PLEKHG6: variants seen among roughly 807,000 people sequenced by gnomAD.
PLEKHG6 encodes pleckstrin homology domain-containing family G member 6.
Under a neutral mutation model 97.5 loss-of-function variants are expected in PLEKHG6, and 91 were observed. The ratio of observed to expected loss-of-function variants is 0.93; its 90% CI spans 0.79 to 1.11. The LOEUF (loss-of-function observed/expected upper bound fraction) is 1.11, where lower values mean the gene tolerates loss of function less well. PLEKHG6 is among the 50% of genes most tolerant of loss of function. The pLI, the probability that PLEKHG6 is intolerant of heterozygous loss-of-function variation, is 0.00. For synonymous variants in PLEKHG6, 466 were observed against 425.5 expected (o/e 1.10, Z -1.17); for missense variants, 1,044 against 1,031.0 (o/e 1.01, Z -0.17).
At chr12:6,324,084 A>T (rs1555105476) in intron 13 of PLEKHG6, among the ~76,000 whole-genome samples, 1 of 152,012 alleles carries the variant, frequency 6.6e-6, no homozygotes, top group Non-Finnish European at 1.5e-5. Flanking sequence ...TCAGTTTTGT[A>T]GGGGGGTCAC....
Position 6,323,890 on chromosome 12 carries a change from G to A in PLEKHG6, c.1525-2538G>A, listed in dbSNP as rs568094204. Among the ~76,000 whole-genome samples, 2 of 152,308 alleles carry A rather than the reference G, an allele frequency of 1.3e-5. 1 individual carries two copies. The highest frequency in any genetic ancestry group is 4.1e-4 in the South Asian group (2 of 4,822). On this transcript the variant is annotated intron_variant, in intron 13 of 15. Transcript: ENST00000684764. ...TGCTGCTGACTGGGGAAACGCATCC[G>A]CATCTGTTGCTCAGGAAGTCAGTGG...
At chr12:6,322,073 G>A (rs1947724888) in intron 13 of PLEKHG6, among the ~76,000 whole-genome samples, 1 of 152,188 alleles carries the variant, frequency 6.6e-6, no homozygotes, top group South Asian at 2.1e-4. Flanking sequence ...CACACAGCCT[G>A]GGGCCAGCAC....
At chr12:6,318,474 G>A in intron 11 of PLEKHG6, 54 bp downstream of exon 11, 1 of 1,549,464 alleles carries the variant, frequency 6.5e-7, no homozygotes, top group Non-Finnish European at 8.7e-7. Context: ...GAGAAGGTAA[G>A]AGGCAGAAAC....
intron 13 of PLEKHG6, chr12:6,319,310 T>C (rs1323963039): frequency 3.3e-6 from 2 of 609,750 alleles, no homozygotes; most frequent in Admixed American, 5.9e-5. Context: ...TAGCCGGGCG[T>C]GGTGGTGTGT....
intron 1 of PLEKHG6, 66 bp downstream of exon 1, chr12:6,310,914 G>A (rs1229472256): frequency 6.5e-6 from 1 of 153,148 alleles, no homozygotes; most frequent in African/African-American, 2.4e-5. Flanking sequence ...TGGAAGCCGG[G>A]GCGAAGGGGA....
At chr12:6,317,748 G>T (rs776130614) in intron 9 of PLEKHG6, 52 bp downstream of exon 9, 21 of 1,599,438 alleles carry the variant, frequency 1.3e-5, no homozygotes, top group Non-Finnish European at 3.4e-6. Context: ...CTGGGAGGGG[G>T]GTCTCTTTCT....
At chr12:6,311,591 T>C (rs983271479) in intron 1 of PLEKHG6, among the ~76,000 whole-genome samples, 6 of 152,226 alleles carry the variant, frequency 3.9e-5, no homozygotes, top group Non-Finnish European at 8.8e-5. Context: ...TTGAATATCA[T>C]GTAATATTTA....
chr12:6,318,528 C>T, intron 11 of PLEKHG6, 108 bp downstream of exon 11: 1 of 1,367,758 alleles, frequency 7.3e-7, no homozygotes, highest in Non-Finnish European at 9.9e-7. Context: ...GGATGTGGTT[C>T]TGGCTAAGCC....
chr12:6,326,551 T>G lies in PLEKHG6; in HGVS notation c.1648T>G (p.Ser550Ala). The change falls in exon 14 of 16, where the codon TCT becomes GCT. Residue 550 changes from serine to alanine, a missense_variant. Ser to Ala is a moderately conservative substitution (Grantham distance 99, BLOSUM62 1). Transcript: ENST00000684764. ...TRPSTPSLEGSQSSAEGRTPE... is the reference protein window; with the variant it reads ...TRPSTPSLEGAQSSAEGRTPE... ...GCCCTCCACGCCTTCCCTGGAGGGCTCTCAGAGCAGCGCAGAGGGGAGGTA... is the reference window on the plus strand; with the variant it reads ...GCCCTCCACGCCTTCCCTGGAGGGCGCTCAGAGCAGCGCAGAGGGGAGGTA... The G allele has an allele frequency of 6.4e-7, 1 of 1,567,312 alleles. No individual in the cohort carries two copies. Among genetic ancestry groups the G allele is most frequent in the Non-Finnish European group, 8.6e-7 (1 of 1,161,544 alleles).
intron 9 of PLEKHG6, 58 bp downstream of exon 9, chr12:6,317,754 T>C (rs1947530904): frequency 3.8e-6 from 6 of 1,593,460 alleles, no homozygotes; most frequent in Non-Finnish European, 5.1e-6. Flanking sequence ...GGGGGGTCTC[T>C]TTCTTAGTGT....
rs748959468 is a variant in PLEKHG6 at position 6,318,295 on chromosome 12, C to T, written c.1156-6C>T. ...CGCCCTGACCCCTCCCCTCTGTGTCCCTCAGAACCTGCGCCCATTCTCCAC... is the reference window on the plus strand; with the variant it reads ...CGCCCTGACCCCTCCCCTCTGTGTCTCTCAGAACCTGCGCCCATTCTCCAC... On this transcript the variant is annotated splice_region_variant and splice_polypyrimidine_tract_variant and intron_variant, in intron 10 of 15. Transcript: ENST00000684764. 2.5e-6 allele frequency: 4 copies of T among 1,613,966 alleles called. No individual in the cohort carries two copies. Among genetic ancestry groups the T allele is most frequent in the Non-Finnish European group, 3.4e-6 (4 of 1,179,984 alleles).
In PLEKHG6 at chr12:6,317,325, A is replaced by G; in HGVS notation, c.779A>G (p.Tyr260Cys). Residue 260 changes from tyrosine (Y) to cysteine (C), a missense_variant, in exon 8 of 16, where the codon TAT becomes TGT. Coordinates refer to ENST00000684764, the MANE Select transcript of PLEKHG6 (RefSeq NM_001384598.1). ...CAGTTTGGCCAGCGGTTCCACCCCT[A>G]TGTCCAGTACTGCCTCCGAGTGAAG... ...FLTFGQRFHP[Y>C]VQYCLRVKQT... is the part of the protein sequence containing the mutation. The G allele has an allele frequency of 5.0e-6, 8 of 1,613,886 alleles. No individual in the cohort carries two copies. The highest frequency in any genetic ancestry group is 6.8e-6 in the Non-Finnish European group (8 of 1,179,858).
rs1435549866 is a variant in PLEKHG6 at position 6,315,935 on chromosome 12, G to A, written c.606+16G>A. On this transcript the variant is annotated intron_variant, in intron 6 of 15. Transcript: ENST00000684764. The surrounding 1 kb of genome is among the most constrained non-coding windows in gnomAD (Gnocchi z 4.5). ...GCTGATGGAAGTGAGTGGGTGCTCA[G>A]GAGGGGACCCTGGCACAGCCCGACC... 2.5e-6 allele frequency: 4 copies of A among 1,573,582 alleles called. No individual in the cohort carries two copies. The highest frequency in any genetic ancestry group is 3.5e-6 in the Non-Finnish European group (4 of 1,158,470).
chr12:6,313,189 G>C (rs929283200), intron 2 of PLEKHG6: 2 of 1,549,796 alleles, frequency 1.3e-6, no homozygotes, highest in African/African-American at 1.4e-5. Context: ...CTGCACATGT[G>C]AGTGCCCTCG....
rs1444341570 is a variant in PLEKHG6 at position 6,318,777 on chromosome 12, G to T, written c.1308G>T (p.Val436=). The change falls in exon 12 of 16, where the codon GTG becomes GTT. Residue 436 remains valine, a synonymous_variant. Transcript: ENST00000684764. ...LDVYLFLFSD[V]LLVTKPQRKA... is the part of the protein sequence containing the mutation. ...TGTACCTGTTCCTCTTCTCTGATGT[G>T]CTCCTTGTGACCAAGCCCCAGCGCA... The T allele has an allele frequency of 6.2e-7, 1 of 1,613,828 alleles. No individual in the cohort carries two copies. Among genetic ancestry groups the T allele is most frequent in the South Asian group, 1.1e-5 (1 of 91,074 alleles).
intron 9 of PLEKHG6, 40 bp downstream of exon 9, chr12:6,317,736 G>T: frequency 6.2e-7 from 1 of 1,606,570 alleles, no homozygotes; most frequent in Non-Finnish European, 8.5e-7. Context: ...GTGAATCGGG[G>T]ACTGGGAGGG....
Position 6,312,160 on chromosome 12 carries a change from C to T in PLEKHG6, c.-67C>T. 2 of 1,354,364 alleles carry T rather than the reference C, an allele frequency of 1.5e-6. No individual in the cohort carries two copies. Among genetic ancestry groups the T allele is most frequent in the Non-Finnish European group, 9.8e-7 (1 of 1,024,678 alleles). 83.9% of individuals were successfully genotyped at this position (1,354,364 alleles called of 1,614,324 possible). A position where few individuals can be genotyped will look rare whatever the true frequency, so the allele number is the denominator to read the frequency against. On this transcript the variant is annotated splice_region_variant and 5_prime_UTR_variant, in exon 2 of 16. Transcript: ENST00000684764. ...CCATTCCTCTTTTCTCTCTTGCAGC[C>T]CTAGGGGACCTCTTTCTCCTGGACA...
intron 13 of PLEKHG6, among the ~76,000 whole-genome samples, chr12:6,324,059 C>A (rs1453018362): frequency 6.6e-6 from 1 of 152,056 alleles, no homozygotes; most frequent in Non-Finnish European, 1.5e-5. Context: ...TGCTAGGGGC[C>A]CTCCCTTCCT....
At position 6,316,257 on chromosome 12, in the gene PLEKHG6, G is replaced by T; in HGVS notation, c.609G>T (p.Val203=). The change falls in exon 7 of 16, where the codon GTG becomes GTT. Residue 203 remains valine, a splice_region_variant and synonymous_variant. Coordinates refer to ENST00000684764, the MANE Select transcript of PLEKHG6 (RefSeq NM_001384598.1). This position sits in a 1 kb window ranked among gnomAD's most constrained non-coding sequence, Gnocchi z 4.1. ...CTCAGCTCTGCTCCCTCCTCCAGGT[G>T]TCAGCTGAGACCCTGTTTGGAAATG... ...NLQRVGLLME[V]SAETLFGNVP... The T allele has an allele frequency of 1.3e-6, 2 of 1,551,590 alleles. No homozygotes were observed. Among genetic ancestry groups the T allele is most frequent in the South Asian group, 1.2e-5 (1 of 83,788 alleles).
Sources: allele counts gnomAD v4.1 joint callset (sites outside exome capture counted in the v4.1 genomes callset), GRCh38; gene constraint gnomAD v4.1.1; non-coding constraint Gnocchi (gnomAD v3.1); transcripts MANE v1.5; gene names NCBI Gene and HGNC (gene_info 2026-07-23, HGNC 2026-07-21).